VRTN: variants seen among roughly 807,000 people sequenced by gnomAD.
VRTN encodes vertnin.
Under a neutral mutation model 18.2 loss-of-function variants are expected in VRTN, and 5 were observed. The ratio of observed to expected loss-of-function variants is 0.27; its 90% CI spans 0.14 to 0.58. VRTN has a LOEUF of 0.58. Ranked by LOEUF, VRTN falls within the 20% of genes least tolerant of loss-of-function variation. The probability of loss-of-function intolerance (pLI) is 0.91; values close to 1 mark genes in which losing one functional copy is unlikely to be tolerated. For synonymous variants in VRTN, 381 were observed against 393.7 expected, an observed-to-expected ratio of 0.97 and a Z score of 0.38; for missense variants, 741 against 939.4, an observed-to-expected ratio of 0.79 and a Z score of 2.76.
At chr14:74,336,708 G>A (rs1406145537) in intron 1 of VRTN, among the ~76,000 whole-genome samples, 1 of 152,074 alleles carries the variant, frequency 6.6e-6, no homozygotes, top group Admixed American at 6.6e-5. Flanking sequence ...CGGAGGTGGA[G>A]GTTGCGGTCA....
At chr14:74,343,866 G>A (rs1470347220), upstream of VRTN, among the ~76,000 whole-genome samples, 1 of 151,820 alleles carries the variant, frequency 6.6e-6, no homozygotes, top group Non-Finnish European at 1.5e-5. Context: ...CGTGATCTCG[G>A]CTCACTGCAA....
chr14:74,356,846 C>T lies in VRTN; in HGVS notation c.63C>T (p.Cys21=), dbSNP rs2232031. Residue 21 remains cysteine, a synonymous_variant, in exon 2 of 2, where the codon TGC becomes TGT. Transcript: ENST00000256362. ...AGGAGCTGCAGGAAGCAGTGGAGTGCGAAGGCCTGGAGGGTCTCATAGGTG... is the reference window on the plus strand; with the variant it reads ...AGGAGCTGCAGGAAGCAGTGGAGTGTGAAGGCCTGGAGGGTCTCATAGGTG... ...VLQELQEAVE[C]EGLEGLIGAS... 0.027 allele frequency: 43,357 copies of T among 1,613,082 alleles called. 3,556 individuals are homozygous for T. The African/African-American group carries it at 0.29, about 11-fold the overall frequency.
At chr14:74,333,236 A>T (rs2085540734) in intron 1 of VRTN, among the ~76,000 whole-genome samples, 2 of 151,834 alleles carry the variant, frequency 1.3e-5, no homozygotes, top group East Asian at 3.9e-4. Flanking sequence ...TACAAAAATT[A>T]ACTGGGTGTG....
At chr14:74,339,247 C>T (rs1373941372) in intron 2 of VRTN, among the ~76,000 whole-genome samples, 1 of 151,996 alleles carries the variant, frequency 6.6e-6, no homozygotes, top group Non-Finnish European at 1.5e-5. Context: ...TTTCATTGGC[C>T]CTGTAAAGTA....
intron 1 of VRTN, among the ~76,000 whole-genome samples, chr14:74,323,103 A>T (rs2140197762): frequency 6.6e-6 from 1 of 152,170 alleles, no homozygotes; most frequent in Non-Finnish European, 1.5e-5. Context: ...ACTGCACTCC[A>T]GCTTGGGTGA....
At chr14:74,303,213 A>C (rs944135143) in intron 1 of VRTN, 1 of 353,000 alleles carries the variant, frequency 2.8e-6, no homozygotes. Context: ...TAGATGTTTT[A>C]CATATTCTCC....
Position 74,358,234 on chromosome 14 carries a change from G to A in VRTN, c.1451G>A (p.Gly484Glu). 1.2e-6 allele frequency: 2 copies of A among 1,612,552 alleles called. No homozygotes were observed. Among genetic ancestry groups the A allele is most frequent in the Non-Finnish European group, 1.7e-6 (2 of 1,179,398 alleles). The change falls in exon 2 of 2, where the codon GGG (glycine) becomes GAG (glutamate). Residue 484 changes from glycine to glutamate, a missense_variant. Physicochemically the swap from Gly to Glu is moderately conservative, Grantham distance 98. Around this residue, in one of 3 missense-constraint regions of VRTN, gnomAD observed 494 missense variants for 546.5 expected, o/e 0.90. Transcript: ENST00000256362. The surrounding 1 kb of genome is among the most constrained non-coding windows in gnomAD (Gnocchi z 5.4). The stretch of plus-strand genomic sequence containing the variant: ...AAGAGTGAGGCGGAAGAGGGGGCAG[G>A]GAATGCCACAGGTGAGGACCCTCCC... ...PWKSEAEEGA[G>E]NATGEDPPAP...
At chr14:74,324,407 AAGAAG>A (rs1356232376) in intron 1 of VRTN, among the ~76,000 whole-genome samples, 4 of 146,338 alleles carry the variant, frequency 2.7e-5, no homozygotes, top group South Asian at 4.2e-4. Flanking sequence ...AAAAAAAAAA[AAGAAG>A]GATTTATTTT....
chr14:74,340,650 G>A (rs2085598926), intron 2 of VRTN, among the ~76,000 whole-genome samples: 2 of 152,198 alleles, frequency 1.3e-5, no homozygotes, highest in African/African-American at 4.8e-5. Flanking sequence ...CATATTAAGA[G>A]CTCAAATATC....
rs1390990201 is a variant in VRTN, at chr14:74,358,626, G to A, written c.1843G>A (p.Ala615Thr). 1.3e-5 allele frequency: 21 copies of A among 1,606,220 alleles called. No individual in the cohort carries two copies. Among genetic ancestry groups the A allele is most frequent in the Admixed American group, 5.0e-5 (3 of 59,572 alleles). ...GGGGGCCCTGCAGGAGGGGGCCACA[G>A]CCCAGGGCCAGCCCCACAGTGGGCC... is the stretch of plus-strand genomic sequence containing the variant. ...REGALQEGAT[A>T]QGQPHSGPLL... Residue 615 changes from alanine to threonine, a missense_variant, in exon 2 of 2, where the codon GCC becomes ACC. Transcript: ENST00000256362. The surrounding 1 kb of genome is among the most constrained non-coding windows in gnomAD (Gnocchi z 5.4).
chr14:74,306,170 ATATTTT>A lies in VRTN; in HGVS notation c.-164+2996_-164+3001del, dbSNP rs1351012909. On this transcript the variant is annotated intron_variant, in intron 1 of 2. Transcript: ENST00000557177. ...CATATATATATATATATATATATATATATTTTTTTTTTTTTTTTGAGACAGAGTCTT... is the reference window on the plus strand; with the variant it reads ...CATATATATATATATATATATATATATTTTTTTTTTTTGAGACAGAGTCTT... 7.6e-4 allele frequency: 49 copies of A among 64,766 alleles called. 1 individual carries two copies. Among genetic ancestry groups the A allele is most frequent in the African/African-American group, 2.2e-3 (42 of 19,050 alleles). 4.0% of individuals were successfully genotyped at this position (64,766 alleles called of 1,614,324 possible).
chr14:74,347,255 G>A (rs1028859407), upstream of VRTN, among the ~76,000 whole-genome samples: 4 of 152,170 alleles, frequency 2.6e-5, no homozygotes, highest in African/African-American at 9.7e-5. Context: ...TTCTAGTAAG[G>A]GGCAGGATTG....
upstream of VRTN, among the ~76,000 whole-genome samples, chr14:74,344,891 GA>G (rs966165736): frequency 9.9e-5 from 15 of 151,910 alleles, no homozygotes; most frequent in African/African-American, 3.6e-4. Context: ...TTAAAGAAAG[GA>G]AAAAAGCTCT....
At chr14:74,334,729 A>C (rs933703216) in intron 1 of VRTN, among the ~76,000 whole-genome samples, 4 of 152,226 alleles carry the variant, frequency 2.6e-5, no homozygotes, top group African/African-American at 9.6e-5. Flanking sequence ...TGTAAAACAC[A>C]AATGTAGAAA....
chr14:74,330,441 CT>C (rs34686412), intron 1 of VRTN, among the ~76,000 whole-genome samples: 5,046 of 137,926 alleles, frequency 0.037, 138 homozygotes, highest in African/African-American at 0.079. Flanking sequence ...CAGTATCAAA[CT>C]TTTTTTTTTT....
At position 74,358,481 on chromosome 14, in the gene VRTN, C is replaced by G; in HGVS notation, c.1698C>G (p.Gly566=). The part of the protein sequence containing the change: ...SKLQVPVPTL[G]KGGQEAEEKQ... Reference sequence around the variant, plus strand: ...TTCAGGTGCCGGTCCCCACCTTGGGCAAAGGGGGGCAGGAGGCTGAGGAGA... The same window carrying G: ...TTCAGGTGCCGGTCCCCACCTTGGGGAAAGGGGGGCAGGAGGCTGAGGAGA... The change falls in exon 2 of 2, where the codon GGC becomes GGG. Residue 566 remains glycine, a synonymous_variant. Coordinates refer to ENST00000256362, the MANE Select transcript of VRTN (RefSeq NM_018228.3). The surrounding 1 kb of genome is among the most constrained non-coding windows in gnomAD (Gnocchi z 5.4). 1 of 1,614,116 alleles carries G rather than the reference C, an allele frequency of 6.2e-7. No individual in the cohort carries two copies. The highest frequency in any genetic ancestry group is 1.1e-5 in the South Asian group (1 of 91,086).
chr14:74,317,041 G>T (rs1039043159), intron 1 of VRTN, among the ~76,000 whole-genome samples: 1 of 152,138 alleles, frequency 6.6e-6, no homozygotes, highest in Non-Finnish European at 1.5e-5. Context: ...GCCAGGTCAT[G>T]TAGAGTCTTG....
At chr14:74,347,733 G>T (rs905965967), upstream of VRTN, among the ~76,000 whole-genome samples, 1 of 152,346 alleles carries the variant, frequency 6.6e-6, no homozygotes, top group Admixed American at 6.5e-5. Context: ...CTGGGCCCTA[G>T]GTGAGCCATG....
intron 1 of VRTN, among the ~76,000 whole-genome samples, chr14:74,332,282 G>T (rs1205010851): frequency 6.9e-6 from 1 of 145,706 alleles, no homozygotes; most frequent in African/African-American, 2.6e-5. Context: ...TGTGTTTTCT[G>T]GCCTGGCAGG....
Sources: allele counts gnomAD v4.1 joint callset (sites outside exome capture counted in the v4.1 genomes callset), GRCh38; gene constraint gnomAD v4.1.1; regional missense constraint gnomAD v4.1.1; non-coding constraint Gnocchi (gnomAD v3.1); transcripts MANE v1.5; gene names NCBI Gene and HGNC (gene_info 2026-07-23, HGNC 2026-07-21).